CENPQ: variants seen among roughly 807,000 people sequenced by gnomAD.
The protein encoded by CENPQ is centromere protein Q, also known as chromosome 6 open reading frame 139.
Under a neutral mutation model 36.6 loss-of-function variants are expected in CENPQ, and 27 were observed. That is an observed-to-expected ratio of 0.74 (90% CI 0.54 to 1.02). The LOEUF (loss-of-function observed/expected upper bound fraction) is 1.02, where lower values mean the gene tolerates loss of function less well. CENPQ is among the 50% of genes least tolerant of loss of function. CENPQ has a pLI of 0.00. For missense variants in CENPQ, 306 were observed against 301.8 expected, an observed-to-expected ratio of 1.01 and a Z score of -0.10; for synonymous variants, 101 against 101.7, an observed-to-expected ratio of 0.99 and a Z score of 0.04.
At position 49,480,620 on chromosome 6, in the gene CENPQ, G is replaced by A. The variant is rs1768403476; in HGVS notation, c.348-331G>A. ...AATTCACAATGTATAATAGACTCAT[G>A]TAGTGTAATAGTCTAGAAAACATCT... On this transcript the variant is annotated intron_variant, in intron 5 of 8. Coordinates refer to ENST00000335783, the MANE Select transcript of CENPQ (RefSeq NM_018132.4). Among the ~76,000 whole-genome samples the A allele has an allele frequency of 2.0e-5, 3 of 150,648 alleles. No individual in the cohort carries two copies. The South Asian group carries it at 6.3e-4, about 31-fold the overall frequency.
intron 5 of CENPQ, among the ~76,000 whole-genome samples, chr6:49,475,326 A>G (rs905339426): frequency 6.6e-6 from 1 of 152,218 alleles, no homozygotes; most frequent in African/African-American, 2.4e-5. Context: ...CAAAAACCAC[A>G]TGATTATCTC....
intron 5 of CENPQ, among the ~76,000 whole-genome samples, chr6:49,479,248 A>G (rs1350200624): frequency 2.0e-5 from 3 of 152,092 alleles, no homozygotes; most frequent in Admixed American, 1.3e-4. Context: ...AAAGGTCTGT[A>G]TCAAGACTCT....
At chr6:49,490,345 A>G (rs971040410) in intron 8 of CENPQ, among the ~76,000 whole-genome samples, 1 of 152,190 alleles carries the variant, frequency 6.6e-6, no homozygotes, top group Non-Finnish European at 1.5e-5. Context: ...GCTAGCTTCA[A>G]ACTTTTCTTC....
At chr6:49,489,676 A>C (rs1276341210) in intron 8 of CENPQ, among the ~76,000 whole-genome samples, 3 of 152,234 alleles carry the variant, frequency 2.0e-5, no homozygotes, top group East Asian at 3.8e-4. Flanking sequence ...TGTATTTCTT[A>C]AGTGATAAGA....
intron 5 of CENPQ, among the ~76,000 whole-genome samples, chr6:49,478,595 G>C (rs1300640896): frequency 6.6e-6 from 1 of 152,126 alleles, no homozygotes; most frequent in Non-Finnish European, 1.5e-5. Context: ...CGAAGAAAGA[G>C]GAAAAAGACG....
chr6:49,492,362 C>A lies in CENPQ; in HGVS notation c.*87C>A. The stretch of plus-strand genomic sequence containing the variant: ...TAACCTATGATTATATGTACAGAGG[C>A]TAAGGCTTCTGCAGGATTTATTATC... On this transcript the variant is annotated 3_prime_UTR_variant, in exon 9 of 9. Transcript: ENST00000335783. The A allele has an allele frequency of 8.5e-7, 1 of 1,170,584 alleles. No homozygotes were observed. Among genetic ancestry groups the A allele is most frequent in the Non-Finnish European group, 1.2e-6 (1 of 855,522 alleles). The allele number at this position is 1,170,584 out of a possible 1,614,324, so 72.5% of individuals were successfully genotyped here.
intron 1 of CENPQ, among the ~76,000 whole-genome samples, chr6:49,468,120 C>T (rs1768044156): frequency 6.6e-6 from 1 of 152,074 alleles, no homozygotes; most frequent in Non-Finnish European, 1.5e-5. Context: ...TTGGGAGGGA[C>T]TAGGCAGGGC....
chr6:49,469,596 TGCACATA>T (rs1420824469), intron 1 of CENPQ, among the ~76,000 whole-genome samples: 5 of 152,184 alleles, frequency 3.3e-5, no homozygotes, highest in Admixed American at 3.3e-4. Context: ...CTTGTTAAAA[TGCACATA>T]GCCCAGATAG....
Position 49,472,140 on chromosome 6 carries a change from A to G in CENPQ, c.235A>G (p.Ser79Gly), listed in dbSNP as rs757086581. ...AAAAACCTGGCAACCTCTGTCAAAG[A>G]GTACCAGAGACCATTTGCAAACTAT... ...KRKTWQPLSK[S>G]TRDHLQTMME... Residue 79 changes from serine (S) to glycine (G), a missense_variant, in exon 4 of 9, where the codon AGT (serine) becomes GGT (glycine). By Grantham distance (56) the Ser-to-Gly change is moderately conservative. Transcript: ENST00000335783. 2.5e-6 allele frequency: 4 copies of G among 1,612,668 alleles called. No homozygotes were observed. The South Asian group carries it at 4.4e-5, about 18-fold the overall frequency.
intron 8 of CENPQ, 141 bp downstream of exon 8, chr6:49,488,825 T>C (rs1365743808): frequency 7.3e-6 from 5 of 686,512 alleles, no homozygotes; most frequent in Non-Finnish European, 1.3e-5. Context: ...ATGGAAGTTA[T>C]GTTTACGCTA....
At chr6:49,478,933 T>C (rs773342826) in intron 5 of CENPQ, among the ~76,000 whole-genome samples, 4 of 152,188 alleles carry the variant, frequency 2.6e-5, no homozygotes, top group Non-Finnish European at 5.9e-5. Context: ...AGTGAGACTC[T>C]TGGAAATCTA....
intron 6 of CENPQ, among the ~76,000 whole-genome samples, chr6:49,482,171 C>T (rs1333283782): frequency 6.6e-6 from 1 of 152,162 alleles, no homozygotes; most frequent in African/African-American, 2.4e-5. Context: ...CCGCAAGCAC[C>T]GCGCGCAGCC....
rs1304126880 is a variant in CENPQ, at chr6:49,472,175, A to G, written c.270A>G (p.Ser90=). The change falls in exon 4 of 9, where the codon TCA becomes TCG. Residue 90 remains serine, a synonymous_variant. Coordinates refer to ENST00000335783, the MANE Select transcript of CENPQ (RefSeq NM_018132.4). ...ACCATTTGCAAACTATGATGGAATC[A>G]GTAATAATGTGAGTATAAAATTGTT... The part of the protein sequence containing the change: ...TRDHLQTMME[S]VIMTILSNSI... 6.2e-7 allele frequency: 1 copy of G among 1,606,284 alleles called. No homozygotes were observed.
At chr6:49,478,404 T>A (rs1432905903) in intron 5 of CENPQ, among the ~76,000 whole-genome samples, 1 of 152,170 alleles carries the variant, frequency 6.6e-6, no homozygotes, top group Non-Finnish European at 1.5e-5. Context: ...TAAATCTATT[T>A]CATTTTCTTT....
At chr6:49,485,951 C>G (rs1341446650) in intron 6 of CENPQ, among the ~76,000 whole-genome samples, 1 of 152,112 alleles carries the variant, frequency 6.6e-6, no homozygotes, top group African/African-American at 2.4e-5. Context: ...GTTATACATT[C>G]CCTTTGTAGT....
At chr6:49,472,507 G>A (rs181598766) in intron 4 of CENPQ, among the ~76,000 whole-genome samples, 5 of 152,284 alleles carry the variant, frequency 3.3e-5, no homozygotes, top group East Asian at 3.9e-4. Context: ...CCACACTGGA[G>A]GGGATACAGA....
intron 8 of CENPQ, among the ~76,000 whole-genome samples, chr6:49,491,182 T>C (rs1394608254): frequency 1.3e-5 from 2 of 152,256 alleles, no homozygotes; most frequent in African/African-American, 4.8e-5. Flanking sequence ...ATGTCCTATT[T>C]CGTTCTTTAA....
intron 1 of CENPQ, among the ~76,000 whole-genome samples, chr6:49,465,449 A>T (rs907492007): frequency 6.6e-6 from 1 of 152,242 alleles, no homozygotes; most frequent in Non-Finnish European, 1.5e-5. Context: ...CTTTGAAGCC[A>T]GGCAATGACT....
intron 6 of CENPQ, among the ~76,000 whole-genome samples, chr6:49,481,322 G>C (rs980811221): frequency 3.3e-5 from 5 of 152,066 alleles, no homozygotes; most frequent in African/African-American, 1.2e-4. Flanking sequence ...GGAATTGGTG[G>C]GTTCTTGGTC....
Sources: allele counts gnomAD v4.1 joint callset (sites outside exome capture counted in the v4.1 genomes callset), GRCh38; gene constraint gnomAD v4.1.1; transcripts MANE v1.5; gene names NCBI Gene and HGNC (gene_info 2026-07-23, HGNC 2026-07-21).